The following DTYMK variants were observed in gnomAD, a reference collection of about 807,000 sequenced individuals.
DTYMK encodes the protein deoxythymidylate kinase, also known as thymidylate kinase.
In DTYMK, 20 loss-of-function variants were observed where a neutral mutation model predicts 20.3. The ratio of observed to expected loss-of-function variants is 0.99; its 90% CI spans 0.69 to 1.43. The LOEUF (loss-of-function observed/expected upper bound fraction) is 1.43, where lower values mean the gene tolerates loss of function less well. DTYMK is among the 40% of genes most tolerant of loss of function. The pLI is 0.00. For missense variants in DTYMK, 320 were observed against 291.1 expected, an observed-to-expected ratio of 1.10 and a Z score of -0.72; for synonymous variants, 148 against 124.4, an observed-to-expected ratio of 1.19 and a Z score of -1.27.
chr2:241,686,732 C>G lies in DTYMK; in HGVS notation c.52G>C (p.Gly18Arg). ...LIVLEGVDRAGKSTQSRKLVE... is the reference protein window; with the variant it reads ...LIVLEGVDRARKSTQSRKLVE... The stretch of plus-strand genomic sequence containing the variant: ...AGCTTGCGGCTCTGCGTGCTCTTCC[C>G]GGCGCGGTCCACGCCCTCCAGCACT... Residue 18 changes from glycine (G) to arginine (R), a missense_variant, in exon 1 of 5, where the codon GGG becomes CGG. Physicochemically the swap from Gly to Arg is moderately radical, Grantham distance 125. Transcript: ENST00000305784. 6.5e-7 allele frequency: 1 copy of G among 1,545,970 alleles called. No homozygotes were observed. Among genetic ancestry groups the G allele is most frequent in the Non-Finnish European group, 8.6e-7 (1 of 1,159,502 alleles).
Position 241,675,886 on chromosome 2 carries a change from AG to A in DTYMK, c.*240del. The A allele has an allele frequency of 2.4e-6, 1 of 417,828 alleles. No individual in the cohort carries two copies. The highest frequency in any genetic ancestry group is 4.3e-6 in the Non-Finnish European group (1 of 234,848). 25.9% of individuals were successfully genotyped at this position (417,828 alleles called of 1,614,324 possible). On this transcript the variant is annotated 3_prime_UTR_variant, in exon 5 of 5. Transcript: ENST00000305784. ...AAATACAACAGAGTGCCATCAGGAC[AG>A]GGGAGAGGGCAGGAGACTGCTCCAT... is the stretch of plus-strand genomic sequence containing the variant.
At position 241,678,531 on chromosome 2, in the gene DTYMK, C is replaced by T. The variant is rs149828739; in HGVS notation, c.449G>A (p.Arg150His). ...AAKRGAFGHERYENGAFQERA... is the reference protein window; with the variant it reads ...AAKRGAFGHEHYENGAFQERA... Reference sequence around the variant, plus strand: ...CTCCTGGAAAGCCCCGTTCTCATAGCGCTCATGGCCAAACGCTCCCCGCTT... The same window carrying T: ...CTCCTGGAAAGCCCCGTTCTCATAGTGCTCATGGCCAAACGCTCCCCGCTT... The change falls in exon 4 of 5, where the codon CGC (arginine) becomes CAC (histidine). Residue 150 changes from arginine to histidine, a missense_variant. Transcript: ENST00000305784. The T allele has an allele frequency of 4.3e-6, 7 of 1,614,090 alleles. No individual in the cohort carries two copies. The highest frequency in any genetic ancestry group is 2.2e-5 in the East Asian group (1 of 44,900).
At position 241,686,760 on chromosome 2, in the gene DTYMK, G is replaced by C. The variant is rs1049583958; in HGVS notation, c.24C>G (p.Leu8=). The part of the protein sequence containing the change: MAARRGA[L]IVLEGVDRAG... Reference sequence around the variant, plus strand: ...CGCGGTCCACGCCCTCCAGCACTATGAGAGCCCCGCGCCGGGCCGCCATGA... The same window carrying C: ...CGCGGTCCACGCCCTCCAGCACTATCAGAGCCCCGCGCCGGGCCGCCATGA... The change falls in exon 1 of 5, where the codon CTC becomes CTG. Residue 8 remains leucine (L), a synonymous_variant. Coordinates refer to ENST00000305784, the MANE Select transcript of DTYMK (RefSeq NM_012145.4). The C allele has an allele frequency of 1.3e-6, 2 of 1,484,268 alleles. No homozygotes were observed. The highest frequency in any genetic ancestry group is 2.9e-5 in the African/African-American group (2 of 68,510). The allele number at this position is 1,484,268 out of a possible 1,614,324, so 91.9% of individuals were successfully genotyped here.
At position 241,678,582 on chromosome 2, in the gene DTYMK, A is replaced by G. The variant is rs2069171202; in HGVS notation, c.398T>C (p.Leu133Pro). ...GLPKPDLVLFLQLQLADAAKR... is the reference protein window; with the variant it reads ...GLPKPDLVLFPQLQLADAAKR... The stretch of plus-strand genomic sequence containing the variant: ...GGCAGCATCCGCCAGCTGTAACTGG[A>G]GGAACAGGACCAGGTCGGGTTTGGG... Residue 133 changes from leucine (L) to proline (P), a missense_variant, in exon 4 of 5, where the codon CTC (leucine) becomes CCC (proline). Transcript: ENST00000305784. 3 of 1,614,180 alleles carry G rather than the reference A, an allele frequency of 1.9e-6. No individual in the cohort carries two copies. The highest frequency in any genetic ancestry group is 2.5e-6 in the Non-Finnish European group (3 of 1,180,052).
chr2:241,676,079 C>T lies in DTYMK; in HGVS notation c.*48G>A. On this transcript the variant is annotated 3_prime_UTR_variant, in exon 5 of 5. Transcript: ENST00000305784. Reference sequence around the variant, plus strand: ...GACGGGGCCTTCCGCGAGTCTCCCACCTCTCGGGGGACTGCAGGGAGAGGC... The same window carrying T: ...GACGGGGCCTTCCGCGAGTCTCCCATCTCTCGGGGGACTGCAGGGAGAGGC... 1 of 1,549,660 alleles carries T rather than the reference C, an allele frequency of 6.5e-7. No homozygotes were observed. Among genetic ancestry groups the T allele is most frequent in the Non-Finnish European group, 8.8e-7 (1 of 1,140,794 alleles).
intron 4 of DTYMK, among the ~76,000 whole-genome samples, chr2:241,677,667 C>T (rs969256286): frequency 1.5e-4 from 23 of 152,218 alleles, no homozygotes; most frequent in Non-Finnish European, 2.6e-4. Context: ...GGAGCAGAGG[C>T]GGCCAGCCTG....
intron 3 of DTYMK, among the ~76,000 whole-genome samples, chr2:241,679,966 C>CT (rs1409535385): frequency 9.4e-6 from 1 of 106,464 alleles, no homozygotes; most frequent in Non-Finnish European, 2.1e-5. Flanking sequence ...GAGAGACTGT[C>CT]TCCCCAAAAA....
chr2:241,685,230 T>C (rs1489607165), intron 2 of DTYMK: 2 of 151,882 alleles, frequency 1.3e-5, no homozygotes, highest in Non-Finnish European at 1.5e-5. Context: ...CCAGGTACGG[T>C]GGCTCACACC....
intron 2 of DTYMK, chr2:241,685,511 G>T: frequency 3.1e-6 from 1 of 319,180 alleles, no homozygotes; most frequent in Non-Finnish European, 5.8e-6. Context: ...GCGACAGAGC[G>T]GAACTCCGTC....
intron 2 of DTYMK, among the ~76,000 whole-genome samples, chr2:241,681,316 C>T (rs1174048215): frequency 6.6e-6 from 1 of 152,184 alleles, no homozygotes; most frequent in African/African-American, 2.4e-5. Context: ...CCTCAATAAA[C>T]GCTGCTGGAA....
chr2:241,684,531 TAAAG>T (rs1380365187), intron 2 of DTYMK, among the ~76,000 whole-genome samples: 3 of 152,090 alleles, frequency 2.0e-5, no homozygotes, highest in Non-Finnish European at 4.4e-5. Context: ...CGACGACAAT[TAAAG>T]AGAATGAGAA....
At chr2:241,684,870 G>C in intron 2 of DTYMK, 1 of 399,904 alleles carries the variant, frequency 2.5e-6, no homozygotes, top group Non-Finnish European at 5.1e-6. Flanking sequence ...AAATAATGGG[G>C]AAGGGGGGAA....
At chr2:241,686,580 G>A (rs899623354) in intron 1 of DTYMK, 74 bp downstream of exon 1, 27 of 1,407,754 alleles carry the variant, frequency 1.9e-5, no homozygotes, top group African/African-American at 3.0e-5. Flanking sequence ...CGCAGACAAC[G>A]AAGCGGAGCA....
chr2:241,685,784 T>G lies in DTYMK; in HGVS notation c.224A>C (p.Asn75Thr). 3 of 1,614,044 alleles carry G rather than the reference T, an allele frequency of 1.9e-6. No individual in the cohort carries two copies. The highest frequency in any genetic ancestry group is 2.2e-5 in the South Asian group (2 of 91,086). ...DHSVHLLFSA[N>T]RWEQVPLIKE... ...TGGTTTTTACACTTGTTCCCAGCGA[T>G]TTGCAGAAAAAAGCAGGTGCACCGA... The change falls in exon 2 of 5, where the codon AAT becomes ACT. Residue 75 changes from asparagine to threonine, a missense_variant. Coordinates refer to ENST00000305784, the MANE Select transcript of DTYMK (RefSeq NM_012145.4).
In DTYMK at chr2:241,676,000, ATCTCTGCTGCCGGGAAAGAGC is replaced by A. The variant is rs1308973608; in HGVS notation, c.*106_*126del. ...CCGGGGCAGAAGAGGCAGCCTGCAG[ATCTCTGCTGCCGGGAAAGAGC>A]TCCTGAAGTTGTGGGGTCTGGACTC... On this transcript the variant is annotated 3_prime_UTR_variant, in exon 5 of 5. Coordinates refer to ENST00000305784, the MANE Select transcript of DTYMK (RefSeq NM_012145.4). The A allele has an allele frequency of 1.1e-6, 1 of 923,420 alleles. No individual in the cohort carries two copies. Among genetic ancestry groups the A allele is most frequent in the Non-Finnish European group, 1.6e-6 (1 of 641,388 alleles). 57.2% of individuals were successfully genotyped at this position (923,420 alleles called of 1,614,324 possible). A position where few individuals can be genotyped will look rare whatever the true frequency, so the allele number is the denominator to read the frequency against.
At chr2:241,681,929 A>G in intron 2 of DTYMK, 1 of 252,170 alleles carries the variant, frequency 4.0e-6, no homozygotes, top group Non-Finnish European at 7.9e-6. Context: ...CTGTAGTCCT[A>G]GCTACTCCAG....
intron 3 of DTYMK, among the ~76,000 whole-genome samples, chr2:241,679,504 C>T (rs913976913): frequency 2.6e-5 from 4 of 152,286 alleles, no homozygotes; most frequent in South Asian, 2.1e-4. Flanking sequence ...CACGGTGGCT[C>T]GCGCCTGTAA....
At position 241,686,657 on chromosome 2, in the gene DTYMK, G is replaced by A. The variant is rs1221855734; in HGVS notation, c.127C>T (p.Pro43Ser). 2.0e-6 allele frequency: 3 copies of A among 1,515,330 alleles called. No individual in the cohort carries two copies. Among genetic ancestry groups the A allele is most frequent in the African/African-American group, 1.4e-5 (1 of 69,306 alleles). 93.9% of individuals were successfully genotyped at this position (1,515,330 alleles called of 1,614,324 possible). A position where few individuals can be genotyped will look rare whatever the true frequency, so the allele number is the denominator to read the frequency against. Residue 43 changes from proline (P) to serine (S), a missense_variant, in exon 1 of 5, where the codon CCG becomes TCG. Pro to Ser is a moderately conservative substitution (Grantham distance 74). Transcript: ENST00000305784. ...AGHRAELLRF[P>S]ERSTEIGKLL... is the part of the protein sequence containing the mutation. ...ACCCCCCGCCGCGCGCACCCACCCG[G>A]GAACCGGAGCAGTTCGGCGCGGTGG...
chr2:241,682,348 G>C (rs1469164841), intron 2 of DTYMK: 1 of 382,044 alleles, frequency 2.6e-6, no homozygotes, highest in Admixed American at 3.5e-5. Flanking sequence ...AAAAAGAAAA[G>C]AGAGAAAGAG....
Sources: allele counts gnomAD v4.1 joint callset (sites outside exome capture counted in the v4.1 genomes callset), GRCh38; gene constraint gnomAD v4.1.1; transcripts MANE v1.5; gene names NCBI Gene and HGNC (gene_info 2026-07-23, HGNC 2026-07-21).